Variants in ESRRG observed in about 807,000 individuals in gnomAD.
ESRRG encodes the protein estrogen-related receptor gamma.
ESRRG carries 13 observed loss-of-function variants against 44.0 expected under a neutral mutation model. The observed-to-expected ratio is 0.30, with a 90% CI of 0.19 to 0.47. The LOEUF is 0.47. Ranked by LOEUF, ESRRG falls within the 20% of genes least tolerant of loss-of-function variation. The pLI is 1.00. For synonymous variants in ESRRG, 215 were observed against 214.6 expected, an observed-to-expected ratio of 1.00 and a Z score of -0.02; for missense variants, 395 against 580.6, an observed-to-expected ratio of 0.68 and a Z score of 3.29.
At chr1:216,597,421 G>A (rs975667482) in intron 3 of ESRRG, among the ~76,000 whole-genome samples, 1 of 152,204 alleles carries the variant, frequency 6.6e-6, no homozygotes, top group Non-Finnish European at 1.5e-5. Flanking sequence ...AGGTGTCTGT[G>A]CATGAAGAAG....
chr1:216,929,855 T>G (rs149782011), intron 2 of ESRRG, among the ~76,000 whole-genome samples: 4 of 152,232 alleles, frequency 2.6e-5, no homozygotes, highest in Admixed American at 6.5e-5. Context: ...ACATCTGTGA[T>G]CCCTTTCCAA....
intron 2 of ESRRG, among the ~76,000 whole-genome samples, chr1:216,812,517 C>G (rs964392730): frequency 1.5e-4 from 23 of 152,102 alleles, no homozygotes; most frequent in Non-Finnish European, 2.9e-4. Context: ...TTTGACCACA[C>G]AGACATAGCA....
At chr1:216,725,040 A>G (rs1231091873), upstream of ESRRG, among the ~76,000 whole-genome samples, 1 of 152,154 alleles carries the variant, frequency 6.6e-6, no homozygotes, top group Non-Finnish European at 1.5e-5. Flanking sequence ...CAACTCCCTT[A>G]ACCCTCTCAA....
intron 1 of ESRRG, among the ~76,000 whole-genome samples, chr1:217,069,413 A>G (rs2090259546): frequency 7.2e-6 from 1 of 138,400 alleles, no homozygotes; most frequent in South Asian, 2.4e-4. Flanking sequence ...ATAGATAGAT[A>G]GACAGATATA....
chr1:216,589,925 A>AAAAAAAAC, intron 3 of ESRRG, among the ~76,000 whole-genome samples: 1 of 150,232 alleles, frequency 6.7e-6, no homozygotes, highest in Non-Finnish European at 1.5e-5. Flanking sequence ...AAAAAAAAAA[A>AAAAAAAAC]AGAGGTGAGG....
chr1:216,783,669 C>A (rs1179126341), intron 2 of ESRRG, among the ~76,000 whole-genome samples: 1 of 151,902 alleles, frequency 6.6e-6, no homozygotes, highest in Non-Finnish European at 1.5e-5. Flanking sequence ...GTCACAAATT[C>A]CTGAAGGAAT....
intron 1 of ESRRG, among the ~76,000 whole-genome samples, chr1:217,044,225 T>C (rs1212475582): frequency 6.6e-6 from 1 of 152,156 alleles, no homozygotes; most frequent in African/African-American, 2.4e-5. Context: ...CCCTCCCTTT[T>C]GGCTACATGG....
intron 3 of ESRRG, among the ~76,000 whole-genome samples, chr1:216,645,169 C>T (rs1254947104): frequency 1.3e-5 from 2 of 152,162 alleles, no homozygotes; most frequent in Admixed American, 1.3e-4. Flanking sequence ...CTTCAACTCT[C>T]ACGTCTGTTA....
At chr1:216,803,937 G>C (rs550757190) in intron 2 of ESRRG, among the ~76,000 whole-genome samples, 1 of 152,024 alleles carries the variant, frequency 6.6e-6, no homozygotes, top group African/African-American at 2.4e-5. Flanking sequence ...CATTAAACAA[G>C]TAACTGGCCA....
At chr1:216,547,587 T>A (rs2054949093) in intron 5 of ESRRG, among the ~76,000 whole-genome samples, 2 of 152,104 alleles carry the variant, frequency 1.3e-5, no homozygotes, top group Non-Finnish European at 2.9e-5. Flanking sequence ...GCGTGTGTGT[T>A]AATACATTTC....
At chr1:216,962,069 C>T (rs1193989107) in intron 1 of ESRRG, among the ~76,000 whole-genome samples, 1 of 136,312 alleles carries the variant, frequency 7.3e-6, no homozygotes, top group Non-Finnish European at 1.7e-5. Context: ...GAAAAATTGT[C>T]AGTGCTTTCT....
Position 216,513,205 on chromosome 1 carries a change from A to T in ESRRG, c.1132+5947T>A, listed in dbSNP as rs2043219944. On this transcript the variant is annotated intron_variant, in intron 6 of 6. Transcript: ENST00000408911. Reference sequence around the variant, plus strand: ...TTGTGTTTTCTTTTGCATTAAAATGATATAGATAAAAAGAGAGAGAGAAAG... The same window carrying T: ...TTGTGTTTTCTTTTGCATTAAAATGTTATAGATAAAAAGAGAGAGAGAAAG... 3.9e-5 allele frequency among the ~76,000 whole-genome samples: 6 copies of T among 152,266 alleles called. No homozygotes were observed. In the South Asian group the frequency reaches 1.2e-3, roughly 32 times the overall value.
intron 4 of ESRRG, among the ~76,000 whole-genome samples, chr1:216,566,409 G>A (rs1048663451): frequency 6.6e-6 from 1 of 152,138 alleles, no homozygotes; most frequent in African/African-American, 2.4e-5. Flanking sequence ...TGAGACAAAT[G>A]GAGCTCACTG....
intron 1 of ESRRG, among the ~76,000 whole-genome samples, chr1:216,713,935 C>T (rs1369540784): frequency 1.3e-5 from 2 of 152,180 alleles, no homozygotes; most frequent in Non-Finnish European, 2.9e-5. Flanking sequence ...GTATGAACAG[C>T]ACAGTTAACT....
intron 5 of ESRRG, among the ~76,000 whole-genome samples, chr1:216,562,441 T>G (rs1010759062): frequency 6.6e-6 from 1 of 152,124 alleles, no homozygotes; most frequent in African/African-American, 2.4e-5. Flanking sequence ...GAATTGAGAA[T>G]AATAATACCT....
intron 1 of ESRRG, among the ~76,000 whole-genome samples, chr1:217,130,438 G>A (rs995925552): frequency 2.0e-5 from 3 of 152,018 alleles, no homozygotes; most frequent in Non-Finnish European, 2.9e-5. Context: ...ATCTTGCTAT[G>A]TTGCTCAGGC....
chr1:217,120,711 C>G (rs1384021083), intron 1 of ESRRG, among the ~76,000 whole-genome samples: 1 of 152,206 alleles, frequency 6.6e-6, no homozygotes, highest in East Asian at 1.9e-4. Context: ...ACTGTTCCCT[C>G]TGCCTACAAT....
intron 2 of ESRRG, among the ~76,000 whole-genome samples, chr1:216,885,266 T>A (rs1577665493): frequency 1.3e-5 from 2 of 152,218 alleles, no homozygotes; most frequent in Admixed American, 6.5e-5. Context: ...ACATAAGGTA[T>A]ACACTATATG....
At chr1:216,608,288 T>C (rs989249686) in intron 3 of ESRRG, among the ~76,000 whole-genome samples, 1 of 152,246 alleles carries the variant, frequency 6.6e-6, no homozygotes, top group Non-Finnish European at 1.5e-5. Flanking sequence ...ATTCTGAAGA[T>C]GTTCTCCTGA....
Sources: gnomAD v4.1 joint callset for allele counts (sites outside exome capture counted in the v4.1 genomes callset) on GRCh38, gnomAD v4.1.1 for gene constraint, MANE v1.5 for transcripts, NCBI Gene and HGNC (gene_info 2026-07-23, HGNC 2026-07-21) for gene names.